The following MOB1B variants were observed in gnomAD, a reference collection of about 807,000 sequenced individuals.
The protein encoded by MOB1B is MOB1 Mps One Binder homolog B.
A neutral mutation model predicts 24.4 loss-of-function variants in MOB1B; 19 were observed. The ratio of observed to expected loss-of-function variants is 0.78; its 90% CI spans 0.54 to 1.14. The LOEUF is 1.14. MOB1B is among the 50% of genes most tolerant of loss of function. The pLI, the probability that MOB1B is intolerant of heterozygous loss-of-function variation, is 0.00. For synonymous variants in MOB1B, 76 were observed against 82.1 expected (o/e 0.93, Z 0.40); for missense variants, 243 against 259.6 (o/e 0.94, Z 0.44).
At position 70,975,201 on chromosome 4, in the gene MOB1B, G is replaced by A; in HGVS notation, c.324G>A (p.Lys108=). 6.2e-7 allele frequency: 1 copy of A among 1,612,706 alleles called. No homozygotes were observed. Among genetic ancestry groups the A allele is most frequent in the East Asian group, 2.2e-5 (1 of 44,752 alleles). ...ADGTNIKKPI[K]CSAPKYIDYL... is the part of the protein sequence containing the mutation. ...GAACGAACATAAAGAAACCTATTAA[G>A]TGCTCTGCACCAAAGTATATTGATT... The change falls in exon 4 of 6, where the codon AAG becomes AAA. Residue 108 remains lysine, a synonymous_variant. Transcript: ENST00000309395.
chr4:70,923,632 A>C (rs1736527175), intron 1 of MOB1B, among the ~76,000 whole-genome samples: 1 of 152,110 alleles, frequency 6.6e-6, no homozygotes, highest in African/African-American at 2.4e-5. Flanking sequence ...AATATTTTTT[A>C]TGTAAATCTT....
rs1021789371 is a variant in MOB1B at position 70,975,567 on chromosome 4, C to T, written c.409+281C>T. 4.8e-6 allele frequency: 5 copies of T among 1,046,688 alleles called. No homozygotes were observed. The African/African-American group carries it at 6.7e-5, about 14-fold the overall frequency. The allele number at this position is 1,046,688 out of a possible 1,614,324, so 64.8% of individuals were successfully genotyped here. A position where few individuals can be genotyped will look rare whatever the true frequency, so the allele number is the denominator to read the frequency against. On this transcript the variant is annotated intron_variant, in intron 4 of 5. Transcript: ENST00000309395. Reference sequence around the variant, plus strand: ...GGTTTATTAGAAAATAAATGATCTCCCTCTCTTAAGGTAATTATTTTTGAT... The same window carrying T: ...GGTTTATTAGAAAATAAATGATCTCTCTCTCTTAAGGTAATTATTTTTGAT...
At chr4:70,950,899 C>A in intron 1 of MOB1B, 1 of 764,832 alleles carries the variant, frequency 1.3e-6, no homozygotes, top group Admixed American at 2.0e-5. Context: ...TTATTATCTC[C>A]ATTTTGTAGA....
At chr4:70,973,656 CAG>C (rs1473410239) in intron 3 of MOB1B, among the ~76,000 whole-genome samples, 1 of 151,914 alleles carries the variant, frequency 6.6e-6, no homozygotes, top group East Asian at 1.9e-4. Context: ...ACAGTAAAAA[CAG>C]AATATCAAGA....
At chr4:70,949,132 C>A (rs1290054399) in intron 1 of MOB1B, among the ~76,000 whole-genome samples, 20 of 152,180 alleles carry the variant, frequency 1.3e-4, no homozygotes, top group Non-Finnish European at 2.9e-5. Flanking sequence ...ACTTCTCAGT[C>A]ACTATGTCTC....
intron 1 of MOB1B, among the ~76,000 whole-genome samples, chr4:70,908,346 T>A (rs1162222204): frequency 3.3e-5 from 5 of 150,320 alleles, no homozygotes; most frequent in Non-Finnish European, 4.4e-5. Context: ...TTTTTTTTTT[T>A]AAATGTCAAC....
intron 1 of MOB1B, among the ~76,000 whole-genome samples, chr4:70,938,866 C>G (rs902083878): frequency 3.3e-5 from 5 of 151,198 alleles, no homozygotes; most frequent in African/African-American, 1.2e-4. Flanking sequence ...CAGCCTCTAC[C>G]TCCCGGGTGC....
intron 1 of MOB1B, among the ~76,000 whole-genome samples, chr4:70,948,123 A>T (rs986118884): frequency 3.3e-5 from 5 of 152,062 alleles, no homozygotes; most frequent in Non-Finnish European, 7.4e-5. Flanking sequence ...CTGTGTCTAG[A>T]TTTATGTTTT....
At chr4:70,938,310 G>T (rs1354968509) in intron 1 of MOB1B, among the ~76,000 whole-genome samples, 5 of 13,120 alleles carry the variant, frequency 3.8e-4, no homozygotes, top group African/African-American at 1.3e-3. Context: ...GGTCAGATTT[G>T]CCGCCCCCGC....
At chr4:70,938,767 T>G (rs1360027402) in intron 1 of MOB1B, among the ~76,000 whole-genome samples, 1 of 127,510 alleles carries the variant, frequency 7.8e-6, no homozygotes, top group African/African-American at 3.0e-5. Context: ...GGTTTTAATT[T>G]TAGGATTGGG....
chr4:70,909,790 A>ATG (rs1735901521), intron 1 of MOB1B, among the ~76,000 whole-genome samples: 1 of 151,550 alleles, frequency 6.6e-6, no homozygotes, highest in Non-Finnish European at 1.5e-5. Context: ...GCAGTGGCTC[A>ATG]ATCTTGGTTC....
At chr4:70,966,794 G>A (rs1422764829) in intron 2 of MOB1B, among the ~76,000 whole-genome samples, 3 of 151,998 alleles carry the variant, frequency 2.0e-5, no homozygotes, top group Admixed American at 2.0e-4. Context: ...GTTGGAGGCT[G>A]CAGTGAGCTC....
intron 2 of MOB1B, among the ~76,000 whole-genome samples, chr4:70,966,400 GT>G (rs979347435): frequency 6.7e-6 from 1 of 149,744 alleles, no homozygotes; most frequent in African/African-American, 2.5e-5. Flanking sequence ...TTGAGGCGGA[GT>G]TTTGCTCTTG....
Position 70,979,211 on chromosome 4 carries a change from C to G in MOB1B, c.493C>G (p.Gln165Glu), listed in dbSNP as rs1403051348. 1.2e-6 allele frequency: 2 copies of G among 1,613,492 alleles called. No individual in the cohort carries two copies. Among genetic ancestry groups the G allele is most frequent in the Non-Finnish European group, 1.7e-6 (2 of 1,179,518 alleles). ...TAGGGTTTATGCTCACATTTATCAT[C>G]AGCATTTTGACCCTGTGATCCAGCT... is the stretch of plus-strand genomic sequence containing the variant. ...LFRVYAHIYHQHFDPVIQLQE... is the reference protein window; with the variant it reads ...LFRVYAHIYHEHFDPVIQLQE... The change falls in exon 5 of 6, where the codon CAG (glutamine) becomes GAG (glutamate). Residue 165 changes from glutamine to glutamate, a missense_variant. By Grantham distance (29) the Gln-to-Glu change is conservative. Transcript: ENST00000309395.
chr4:70,976,564 T>C (rs1335388387), intron 4 of MOB1B: 26 of 985,296 alleles, frequency 2.6e-5, no homozygotes, highest in Non-Finnish European at 2.9e-5. Context: ...TGACAACTGA[T>C]TGTCTCAAAA....
intron 1 of MOB1B, among the ~76,000 whole-genome samples, chr4:70,948,177 C>G (rs1170873090): frequency 6.6e-6 from 1 of 152,190 alleles, no homozygotes; most frequent in Non-Finnish European, 1.5e-5. Flanking sequence ...AGAACTACCA[C>G]TTGTTGAAAA....
At chr4:70,938,690 C>T (rs561429893) in intron 1 of MOB1B, among the ~76,000 whole-genome samples, 35 of 88,696 alleles carry the variant, frequency 3.9e-4, no homozygotes, top group Non-Finnish European at 6.5e-4. Flanking sequence ...GAGTATTCTA[C>T]ATCTAGAGGC....
At chr4:70,951,395 A>G (rs1456548135) in intron 1 of MOB1B, among the ~76,000 whole-genome samples, 3 of 152,228 alleles carry the variant, frequency 2.0e-5, no homozygotes, top group Admixed American at 6.5e-5. Context: ...AGACTAAGAG[A>G]TATGTATTCA....
chr4:70,929,868 T>C (rs12696735), intron 1 of MOB1B, among the ~76,000 whole-genome samples: 152,055 of 152,096 alleles, frequency 1, 76,007 homozygotes, highest in Middle Eastern at 1. Context: ...CTCCTGACCT[T>C]GTGATCCGCC....
Sources: allele counts gnomAD v4.1 joint callset (sites outside exome capture counted in the v4.1 genomes callset), GRCh38; gene constraint gnomAD v4.1.1; transcripts MANE v1.5; gene names NCBI Gene and HGNC (gene_info 2026-07-23, HGNC 2026-07-21).